DMRT1: variants seen among roughly 807,000 people sequenced by gnomAD.
The protein encoded by DMRT1 is doublesex- and mab-3-related transcription factor 1.
A neutral mutation model predicts 32.3 loss-of-function variants in DMRT1; 7 were observed. The observed-to-expected ratio is 0.22, with a 90% CI of 0.12 to 0.41. DMRT1 has a LOEUF of 0.41. Among genes scored for constraint, DMRT1 ranks in the 10% least tolerant of loss-of-function variants. The pLI is 1.00. For synonymous variants in DMRT1, 278 were observed against 206.1 expected, an observed-to-expected ratio of 1.35 and a Z score of -2.99; for missense variants, 625 against 500.5, an observed-to-expected ratio of 1.25 and a Z score of -2.37.
At chr9:908,240 G>C (rs1451305409) in intron 3 of DMRT1, among the ~76,000 whole-genome samples, 1 of 152,044 alleles carries the variant, frequency 6.6e-6, no homozygotes, top group Non-Finnish European at 1.5e-5. Flanking sequence ...AGGATCACTT[G>C]AGGCCAGGAA....
rs76907069 is a variant in DMRT1, at chr9:943,690, G to A, written c.968-24295G>A. ...CTTCTTCTTCTGCTAGAAGCAAGAGGTCAGGGAGGAGTGTTGGAAATAACG... is the reference window on the plus strand; with the variant it reads ...CTTCTTCTTCTGCTAGAAGCAAGAGATCAGGGAGGAGTGTTGGAAATAACG... On this transcript the variant is annotated intron_variant, in intron 4 of 4. Transcript: ENST00000382276. Among the ~76,000 whole-genome samples the A allele has an allele frequency of 1.9e-3, 293 of 152,298 alleles. 1 individual carries two copies. Among genetic ancestry groups the A allele is most frequent in the African/African-American group, 6.5e-3 (269 of 41,564 alleles).
chr9:898,432 G>A (rs933507404), intron 3 of DMRT1, among the ~76,000 whole-genome samples: 2 of 152,162 alleles, frequency 1.3e-5, no homozygotes, highest in African/African-American at 2.4e-5. Context: ...AGAGGTAGCA[G>A]AAGTGTCAGG....
At chr9:894,586 A>G (rs1817280302) in intron 3 of DMRT1, 1 of 303,040 alleles carries the variant, frequency 3.3e-6, no homozygotes, top group African/African-American at 2.2e-5. Context: ...CTTTGTCCCC[A>G]CTTTCGTTGG....
chr9:946,979 T>C (rs1302702507), intron 4 of DMRT1, among the ~76,000 whole-genome samples: 1 of 152,220 alleles, frequency 6.6e-6, no homozygotes. Context: ...AAATTCGTCA[T>C]GCAGAATTAG....
intron 2 of DMRT1, among the ~76,000 whole-genome samples, chr9:849,924 A>G (rs192548493): frequency 1.3e-5 from 2 of 152,214 alleles, no homozygotes; most frequent in Admixed American, 1.3e-4. Context: ...CCCAGGTTCA[A>G]GCGATACTCC....
intron 2 of DMRT1, among the ~76,000 whole-genome samples, chr9:855,878 C>T (rs1564199188): frequency 6.6e-6 from 1 of 152,198 alleles, no homozygotes; most frequent in Admixed American, 6.5e-5. Flanking sequence ...CTTGGCCTCC[C>T]AAAGTGCTGG....
chr9:875,770 A>G (rs1490018194), intron 2 of DMRT1, among the ~76,000 whole-genome samples: 4 of 147,412 alleles, frequency 2.7e-5, no homozygotes, highest in Non-Finnish European at 4.4e-5. Context: ...ATGTGTGTGT[A>G]TGTATGTATG....
intron 4 of DMRT1, among the ~76,000 whole-genome samples, chr9:963,947 A>C (rs1819854044): frequency 1.3e-5 from 2 of 152,390 alleles, no homozygotes; most frequent in African/African-American, 2.4e-5. Flanking sequence ...CTTGGCAGTC[A>C]GCATCTAGAT....
intron 2 of DMRT1, among the ~76,000 whole-genome samples, chr9:878,392 G>C (rs1334547551): frequency 6.6e-6 from 1 of 152,158 alleles, no homozygotes; most frequent in Non-Finnish European, 1.5e-5. Flanking sequence ...TGGCTTGCAG[G>C]AGGTGCACAG....
intron 4 of DMRT1, among the ~76,000 whole-genome samples, chr9:918,698 G>C (rs565839210): frequency 1.4e-5 from 2 of 144,022 alleles, no homozygotes; most frequent in Admixed American, 7.2e-5. Flanking sequence ...TAAGTAGGAG[G>C]CCCAAGCTTC....
chr9:908,461 A>AT (rs1817857303), intron 3 of DMRT1, among the ~76,000 whole-genome samples: 1 of 55,882 alleles, frequency 1.8e-5, no homozygotes. Context: ...GTCTCTAAAA[A>AT]TGTTTTTTTA....
chr9:884,821 T>C (rs947114592), intron 2 of DMRT1, among the ~76,000 whole-genome samples: 8 of 151,774 alleles, frequency 5.3e-5, no homozygotes, highest in Admixed American at 2.6e-4. Flanking sequence ...AATAGAAAAA[T>C]TAGCCAGGCA....
At chr9:910,008 C>T (rs565206229) in intron 3 of DMRT1, among the ~76,000 whole-genome samples, 5 of 152,298 alleles carry the variant, frequency 3.3e-5, no homozygotes, top group Admixed American at 1.3e-4. Flanking sequence ...GCCATTGTGC[C>T]TGGCTGAGTC....
At chr9:857,624 C>T (rs960885498) in intron 2 of DMRT1, among the ~76,000 whole-genome samples, 22 of 151,266 alleles carry the variant, frequency 1.5e-4, no homozygotes, top group African/African-American at 5.1e-4. Context: ...CTGTGAGTTT[C>T]TTTTTTTTTC....
chr9:907,133 A>G (rs1411105753), intron 3 of DMRT1, among the ~76,000 whole-genome samples: 1 of 152,216 alleles, frequency 6.6e-6, no homozygotes, highest in Non-Finnish European at 1.5e-5. Flanking sequence ...CCCCAGTCTT[A>G]AGAAGCATTG....
intron 1 of DMRT1, 64 bp downstream of exon 1, chr9:842,256 A>ATTTTTT (rs1554739444): frequency 1.6e-6 from 2 of 1,232,960 alleles, no homozygotes; most frequent in African/African-American, 5.4e-5. Context: ...TTTTTTTTAG[A>ATTTTTT]TGGAGTCTCG....
At chr9:912,726 TC>T (rs892974968) in intron 3 of DMRT1, among the ~76,000 whole-genome samples, 2 of 152,120 alleles carry the variant, frequency 1.3e-5, no homozygotes, top group Non-Finnish European at 2.9e-5. Context: ...ATCTCGTACT[TC>T]CAAGGTATAT....
chr9:878,279 G>A (rs1002526713), intron 2 of DMRT1, among the ~76,000 whole-genome samples: 1 of 134,790 alleles, frequency 7.4e-6, no homozygotes, highest in East Asian at 2.2e-4. Flanking sequence ...AAGCAGAGTC[G>A]AATAAAGGAG....
At chr9:898,908 C>A (rs1344178846) in intron 3 of DMRT1, among the ~76,000 whole-genome samples, 1 of 152,184 alleles carries the variant, frequency 6.6e-6, no homozygotes, top group Non-Finnish European at 1.5e-5. Context: ...AGCCCATGAA[C>A]ATGGAATATC....
Sources: allele counts gnomAD v4.1 joint callset (sites outside exome capture counted in the v4.1 genomes callset), GRCh38; gene constraint gnomAD v4.1.1; transcripts MANE v1.5; gene names NCBI Gene and HGNC (gene_info 2026-07-23, HGNC 2026-07-21).